Variants in ARIH2 observed in about 807,000 individuals in gnomAD.
ARIH2 encodes the protein ariadne RBR E3 ubiquitin protein ligase 2.
In ARIH2, 12 loss-of-function variants were observed where a neutral mutation model predicts 79.8. The observed-to-expected ratio is 0.15, with a 90% CI of 0.10 to 0.24. ARIH2 has a LOEUF of 0.24. ARIH2 is among the 10% of genes least tolerant of loss of function. The pLI, the probability that ARIH2 is intolerant of heterozygous loss-of-function variation, is 1.00. For synonymous variants in ARIH2, 224 were observed against 213.9 expected (o/e 1.05, Z -0.41); for missense variants, 301 against 618.3 (o/e 0.49, Z 5.44).
chr3:48,923,523 GT>G (rs772701634), intron 2 of ARIH2, among the ~76,000 whole-genome samples: 383 of 138,774 alleles, frequency 2.8e-3, no homozygotes, highest in Non-Finnish European at 2.7e-3. Context: ...TATAGTGAGT[GT>G]TTTTTTTTTT....
intron 2 of ARIH2, among the ~76,000 whole-genome samples, chr3:48,926,005 A>C (rs2085541342): frequency 6.6e-6 from 1 of 152,198 alleles, no homozygotes; most frequent in African/African-American, 2.4e-5. Flanking sequence ...GGCGTGAGCC[A>C]CCGCACCTGG....
At position 48,979,638 on chromosome 3, in the gene ARIH2, G is replaced by A. The variant is rs1005876545; in HGVS notation, c.1113+5G>A. The A allele has an allele frequency of 6.2e-7, 1 of 1,613,802 alleles. No individual in the cohort carries two copies. Among genetic ancestry groups the A allele is most frequent in the Non-Finnish European group, 8.5e-7 (1 of 1,179,962 alleles). On this transcript the variant is annotated splice_donor_5th_base_variant and intron_variant, in intron 12 of 15. Transcript: ENST00000356401. Reference sequence around the variant, plus strand: ...TACTTATTCTACTTTGAGAGGGTAGGTGTCCTCTCCTGTACCTTCCCCTAC... The same window carrying A: ...TACTTATTCTACTTTGAGAGGGTAGATGTCCTCTCCTGTACCTTCCCCTAC...
At chr3:48,939,332 C>T (rs1435669880) in intron 3 of ARIH2, among the ~76,000 whole-genome samples, 5 of 151,988 alleles carry the variant, frequency 3.3e-5, no homozygotes. Context: ...TGGCTGATCT[C>T]ATTTATCATC....
chr3:48,965,887 G>C (rs2091750536), intron 5 of ARIH2, among the ~76,000 whole-genome samples: 1 of 152,032 alleles, frequency 6.6e-6, no homozygotes, highest in East Asian at 1.9e-4. Flanking sequence ...GTTGAACCCG[G>C]GAGGTGGAGG....
In ARIH2 at chr3:48,949,064, A is replaced by G. The variant is rs1372862986; in HGVS notation, c.256-12548A>G. On this transcript the variant is annotated intron_variant, in intron 3 of 15. Transcript: ENST00000356401. ...CCATGTGTTTTCATTTCTCTTGTAT[A>G]GATAACTAGGAGTGGGATTGCTGGG... 8.8e-6 allele frequency: 4 copies of G among 456,704 alleles called. No individual in the cohort carries two copies. In the Admixed American group the frequency reaches 9.4e-5, roughly 11 times the overall value. The allele number at this position is 456,704 out of a possible 1,614,324, so 28.3% of individuals were successfully genotyped here. A position where few individuals can be genotyped will look rare whatever the true frequency, so the allele number is the denominator to read the frequency against.
At chr3:48,969,124 C>T (rs1358147204) in intron 7 of ARIH2, among the ~76,000 whole-genome samples, 1 of 151,574 alleles carries the variant, frequency 6.6e-6, no homozygotes, top group Non-Finnish European at 1.5e-5. Flanking sequence ...CTGCCCCCCT[C>T]GGCCTCCCAA....
chr3:48,975,017 T>C (rs2092426041), intron 11 of ARIH2, 38 bp downstream of exon 11: 1 of 1,614,090 alleles, frequency 6.2e-7, no homozygotes, highest in African/African-American at 1.3e-5. Context: ...CCAGTGGCAC[T>C]TTCTTGTGGT....
Position 48,939,769 on chromosome 3 carries a change from AAAAAAAACAAAAAC to A in ARIH2, c.255+11970_255+11983del, listed in dbSNP as rs1325086538. ...CAAGACTCCATCTCAAAAAAAAAAA[AAAAAAAACAAAAAC>A]AAAAAAACAAAAAAAAAAACTGAAG... On this transcript the variant is annotated intron_variant, in intron 3 of 15. Transcript: ENST00000356401. Among the ~76,000 whole-genome samples the A allele has an allele frequency of 5.3e-3, 789 of 149,426 alleles. 4 individuals are homozygous for A. The highest frequency in any genetic ancestry group is 0.019 in the African/African-American group (756 of 40,572).
In ARIH2 at chr3:48,975,799, G is replaced by A. The variant is rs181751992; in HGVS notation, c.961+820G>A. 2.0e-5 allele frequency among the ~76,000 whole-genome samples: 3 copies of A among 152,238 alleles called. No homozygotes were observed. The East Asian group carries it at 5.8e-4, about 29-fold the overall frequency. ...GCTGGTCTCGAACTCCTGACCTCAGGTGATCTCCCTACCTTGGCCTCCCAA... is the reference window on the plus strand; with the variant it reads ...GCTGGTCTCGAACTCCTGACCTCAGATGATCTCCCTACCTTGGCCTCCCAA... On this transcript the variant is annotated intron_variant, in intron 11 of 15. Transcript: ENST00000356401.
chr3:48,937,220 G>A (rs971776158), intron 3 of ARIH2, among the ~76,000 whole-genome samples: 4 of 152,198 alleles, frequency 2.6e-5, no homozygotes, highest in African/African-American at 9.6e-5. Flanking sequence ...TTCTTTTCCT[G>A]GTAAGCTAAC....
intron 2 of ARIH2, among the ~76,000 whole-genome samples, chr3:48,926,529 C>G (rs1285933638): frequency 6.6e-6 from 1 of 151,656 alleles, no homozygotes; most frequent in African/African-American, 2.4e-5. Flanking sequence ...CTCAGCCTCT[C>G]AAAATTCTGG....
At chr3:48,941,112 C>G (rs982618397) in intron 3 of ARIH2, among the ~76,000 whole-genome samples, 2 of 149,518 alleles carry the variant, frequency 1.3e-5, no homozygotes, top group Admixed American at 1.3e-4. Flanking sequence ...GCAGAGCTTG[C>G]AGTGAGCAGA....
chr3:48,965,338 C>G (rs942740367), intron 5 of ARIH2, among the ~76,000 whole-genome samples: 1 of 151,660 alleles, frequency 6.6e-6, no homozygotes, highest in African/African-American at 2.4e-5. Context: ...CCAACCTGGG[C>G]GACAGAGCGA....
At chr3:48,921,400 A>G (rs1002519274) in intron 1 of ARIH2, 28 of 122,402 alleles carry the variant, frequency 2.3e-4, no homozygotes, top group Admixed American at 4.0e-4. Flanking sequence ...CCACCTAAAT[A>G]TTTGGTTGGT....
In ARIH2 at chr3:48,985,862, C is replaced by G. The variant is rs976147397; in HGVS notation, c.*2592C>G. Reference sequence around the variant, plus strand: ...TACTGATATAAATGTCCCAACCCCCCCATTCTGAGACCTCCGGACCCCTCC... The same window carrying G: ...TACTGATATAAATGTCCCAACCCCCGCATTCTGAGACCTCCGGACCCCTCC... On this transcript the variant is annotated 3_prime_UTR_variant, in exon 16 of 16. Coordinates refer to ENST00000356401, the MANE Select transcript of ARIH2 (RefSeq NM_006321.4). The G allele has an allele frequency of 1.3e-5, 2 of 152,232 alleles. No individual in the cohort carries two copies. The highest frequency in any genetic ancestry group is 1.3e-4 in the Admixed American group (2 of 15,288). 9.4% of individuals were successfully genotyped at this position (152,232 alleles called of 1,614,324 possible).
At position 48,937,027 on chromosome 3, in the gene ARIH2, C is replaced by CA. The variant is rs1205479787; in HGVS notation, c.255+9225dup. ...TGGGCAACACAGCGAGACTCCGTCT[C>CA]AAAAAAAAAAACATGAATGATTTCA... On this transcript the variant is annotated intron_variant, in intron 3 of 15. Transcript: ENST00000356401. Among the ~76,000 whole-genome samples the CA allele has an allele frequency of 8.4e-4, 115 of 136,628 alleles. 1 individual carries two copies. Among genetic ancestry groups the CA allele is most frequent in the East Asian group, 2.7e-3 (13 of 4,748 alleles). The allele number at this position is 136,628 out of a possible 152,430, so 89.6% of individuals were successfully genotyped here.
At chr3:48,982,396 ATTTAT>A (rs1355756974) in intron 14 of ARIH2, among the ~76,000 whole-genome samples, 1 of 152,320 alleles carries the variant, frequency 6.6e-6, no homozygotes, top group East Asian at 1.9e-4. Context: ...CACTTGGGAC[ATTTAT>A]TCTTTCTTTC....
chr3:48,929,412 CTTCT>C (rs1046623189), intron 3 of ARIH2, among the ~76,000 whole-genome samples: 1 of 151,398 alleles, frequency 6.6e-6, no homozygotes, highest in African/African-American at 2.4e-5. Flanking sequence ...TACATTCTTC[CTTCT>C]TATACATGGT....
chr3:48,949,141 G>A (rs776912844), intron 3 of ARIH2: 99 of 454,988 alleles, frequency 2.2e-4, no homozygotes, highest in Admixed American at 9.4e-5. Context: ...TTTTTGAGAC[G>A]GAGTCGTGCT....
Sources: gnomAD v4.1 joint callset for allele counts (sites outside exome capture counted in the v4.1 genomes callset) on GRCh38, gnomAD v4.1.1 for gene constraint, MANE v1.5 for transcripts, NCBI Gene and HGNC (gene_info 2026-07-23, HGNC 2026-07-21) for gene names.